The following DCC variants were observed in gnomAD, a reference collection of about 807,000 sequenced individuals.
The protein encoded by DCC is netrin receptor DCC.
A neutral mutation model predicts 172.5 loss-of-function variants in DCC; 58 were observed. That is an observed-to-expected ratio of 0.34 (90% CI 0.27 to 0.42). The LOEUF is 0.42. Among genes scored for constraint, DCC ranks in the 10% least tolerant of loss-of-function variants. DCC has a pLI of 1.00. For missense variants in DCC, 1,740 were observed against 1,791.0 expected, an observed-to-expected ratio of 0.97 and a Z score of 0.51; for synonymous variants, 709 against 644.5, an observed-to-expected ratio of 1.10 and a Z score of -1.52.
At chr18:53,433,830 A>T (rs968421168) in intron 21 of DCC, among the ~76,000 whole-genome samples, 1 of 151,992 alleles carries the variant, frequency 6.6e-6, no homozygotes, top group African/African-American at 2.4e-5. Flanking sequence ...TTACATACTC[A>T]CAGTCATTGT....
At chr18:52,718,985 C>A (rs1215581306) in intron 1 of DCC, among the ~76,000 whole-genome samples, 1 of 152,162 alleles carries the variant, frequency 6.6e-6, no homozygotes, top group Non-Finnish European at 1.5e-5. Context: ...TCAGCAGGTC[C>A]ATTTTCCCTC....
chr18:53,061,332 C>G (rs1267754618), intron 5 of DCC, among the ~76,000 whole-genome samples: 1 of 152,036 alleles, frequency 6.6e-6, no homozygotes, highest in Non-Finnish European at 1.5e-5. Flanking sequence ...CCTACTCTCT[C>G]TTTCTCTCTC....
intron 1 of DCC, among the ~76,000 whole-genome samples, chr18:52,437,948 G>A (rs1311904839): frequency 2.6e-5 from 4 of 152,116 alleles, no homozygotes; most frequent in African/African-American, 9.7e-5. Context: ...TGGGTATTTA[G>A]ATGCCAAATT....
At chr18:53,022,820 T>TA (rs951421525) in intron 5 of DCC, among the ~76,000 whole-genome samples, 5 of 151,868 alleles carry the variant, frequency 3.3e-5, no homozygotes, top group African/African-American at 4.8e-5. Flanking sequence ...GTGATGACTG[T>TA]AAAAAAATCC....
At chr18:52,743,317 A>C (rs1391416257) in intron 1 of DCC, among the ~76,000 whole-genome samples, 2 of 152,236 alleles carry the variant, frequency 1.3e-5, no homozygotes, top group Admixed American at 6.5e-5. Flanking sequence ...AAGCTAGCTT[A>C]TATTTCATCA....
intron 1 of DCC, among the ~76,000 whole-genome samples, chr18:52,563,224 T>C (rs371100503): frequency 1.2e-4 from 18 of 152,286 alleles, no homozygotes; most frequent in African/African-American, 3.8e-4. Context: ...TAAATATTAG[T>C]TTTTTGATGC....
chr18:53,278,339 T>G (rs901641950), intron 12 of DCC, among the ~76,000 whole-genome samples: 2 of 152,136 alleles, frequency 1.3e-5, no homozygotes, highest in Non-Finnish European at 2.9e-5. Context: ...ATATTCACTT[T>G]GTAGGGTAAC....
chr18:52,523,895 C>T (rs1460554131), intron 1 of DCC, among the ~76,000 whole-genome samples: 4 of 152,072 alleles, frequency 2.6e-5, no homozygotes, highest in Admixed American at 6.6e-5. Context: ...CAAGTTCTGC[C>T]GTTGTCTTAA....
At chr18:53,430,671 A>T (rs1911555700) in intron 21 of DCC, among the ~76,000 whole-genome samples, 1 of 152,192 alleles carries the variant, frequency 6.6e-6, no homozygotes. Context: ...TAATAACATA[A>T]ATAATAAATT....
intron 1 of DCC, among the ~76,000 whole-genome samples, chr18:52,602,261 T>C (rs1043990745): frequency 2.0e-5 from 3 of 152,114 alleles, no homozygotes; most frequent in Non-Finnish European, 4.4e-5. Context: ...AAAGCCTTGA[T>C]TTGTTCAGGG....
chr18:52,567,370 TG>T (rs747923476), intron 1 of DCC, among the ~76,000 whole-genome samples: 111 of 152,010 alleles, frequency 7.3e-4, no homozygotes, highest in Non-Finnish European at 8.8e-4. Flanking sequence ...TGTGTGAAAT[TG>T]ATCAAAATGG....
chr18:52,718,756 G>C (rs905774071), intron 1 of DCC, among the ~76,000 whole-genome samples: 3 of 152,108 alleles, frequency 2.0e-5, no homozygotes, highest in Non-Finnish European at 4.4e-5. Flanking sequence ...CATTCTCTAG[G>C]CGTTTATAGA....
chr18:53,496,623 A>G (rs1183411717), intron 26 of DCC, among the ~76,000 whole-genome samples: 1 of 152,236 alleles, frequency 6.6e-6, no homozygotes, highest in Non-Finnish European at 1.5e-5. Context: ...ATGAATTGAC[A>G]GAAGTAGGCT....
chr18:52,579,692 C>T (rs1463809448), intron 1 of DCC, among the ~76,000 whole-genome samples: 1 of 152,128 alleles, frequency 6.6e-6, no homozygotes, highest in African/African-American at 2.4e-5. Flanking sequence ...TTCTGCACTG[C>T]CTTTGTGTGT....
intron 5 of DCC, among the ~76,000 whole-genome samples, chr18:53,045,748 A>G (rs922608173): frequency 6.6e-6 from 1 of 151,904 alleles, no homozygotes; most frequent in Non-Finnish European, 1.5e-5. Context: ...TCCCATTAAT[A>G]CATTCCATTT....
intron 1 of DCC, among the ~76,000 whole-genome samples, chr18:52,521,538 C>A (rs2031816982): frequency 6.6e-6 from 1 of 152,110 alleles, no homozygotes; most frequent in Non-Finnish European, 1.5e-5. Flanking sequence ...TCACCAAATG[C>A]CATCACTTTG....
At chr18:52,566,551 A>G (rs1374518238) in intron 1 of DCC, among the ~76,000 whole-genome samples, 1 of 152,124 alleles carries the variant, frequency 6.6e-6, no homozygotes, top group African/African-American at 2.4e-5. Context: ...TTTAATGTAA[A>G]CTGACCCAGG....
intron 1 of DCC, among the ~76,000 whole-genome samples, chr18:52,358,601 G>A (rs1333624376): frequency 6.6e-6 from 1 of 152,144 alleles, no homozygotes; most frequent in Non-Finnish European, 1.5e-5. Flanking sequence ...CTATTAGCTT[G>A]GTTATATAAA....
At chr18:52,956,184 T>C (rs968522355) in intron 5 of DCC, among the ~76,000 whole-genome samples, 2 of 152,092 alleles carry the variant, frequency 1.3e-5, no homozygotes, top group Non-Finnish European at 2.9e-5. Flanking sequence ...CCAGGAGTTT[T>C]ATAGTTTAGC....
Sources: allele counts gnomAD v4.1 joint callset (sites outside exome capture counted in the v4.1 genomes callset), GRCh38; gene constraint gnomAD v4.1.1; transcripts MANE v1.5; gene names NCBI Gene and HGNC (gene_info 2026-07-23, HGNC 2026-07-21).